The following OR2T8 variants were observed in gnomAD, a reference collection of about 807,000 sequenced individuals.
The protein encoded by OR2T8 is olfactory receptor family 2 subfamily T member 8, also known as olfactory receptor 2T8.
For missense variants in OR2T8, 161 were observed against 389.4 expected, an observed-to-expected ratio of 0.41 and a Z score of 4.94; for synonymous variants, 56 against 154.3, an observed-to-expected ratio of 0.36 and a Z score of 4.72.
At position 247,921,244 on chromosome 1, in the gene OR2T8, T is replaced by C. The variant is rs1660007665; in HGVS notation, c.227T>C (p.Val76Ala). 1 of 1,596,984 alleles carries C rather than the reference T, an allele frequency of 6.3e-7. No individual in the cohort carries two copies. The highest frequency in any genetic ancestry group is 8.5e-7 in the Non-Finnish European group (1 of 1,174,740). ...LMDVMLVSTT[V>A]PKMAADYLTG... ...GACGTGATGCTGGTTTCCACCACTGTGCCCAAAATGGCGGCTGACTACTTG... is the reference window on the plus strand; with the variant it reads ...GACGTGATGCTGGTTTCCACCACTGCGCCCAAAATGGCGGCTGACTACTTG... The change falls in exon 2 of 2, where the codon GTG becomes GCG. Residue 76 changes from valine to alanine, a missense_variant. By Grantham distance (64) the Val-to-Ala change is moderately conservative. Coordinates refer to ENST00000641945, the MANE Select transcript of OR2T8 (RefSeq NM_001005522.2).
Position 247,922,447 on chromosome 1 carries a change from A to G in OR2T8, c.*491A>G, listed in dbSNP as rs1660036511. Among the ~76,000 whole-genome samples, 1 of 152,174 alleles carries G rather than the reference A, an allele frequency of 6.6e-6. No individual in the cohort carries two copies. The highest frequency in any genetic ancestry group is 1.5e-5 in the Non-Finnish European group (1 of 68,028). On this transcript the variant is annotated 3_prime_UTR_variant, in exon 2 of 2. Coordinates refer to ENST00000641945, the MANE Select transcript of OR2T8 (RefSeq NM_001005522.2). Reference sequence around the variant, plus strand: ...CTTTTCCAGTGATACCCCAGGCCTAAGATACATCCACTGCTCTAATTTTTA... The same window carrying G: ...CTTTTCCAGTGATACCCCAGGCCTAGGATACATCCACTGCTCTAATTTTTA...
At chr1:247,920,892 T>C in intron 1 of OR2T8, 106 bp from the exon 2 acceptor site, 2 of 780,024 alleles carry the variant, frequency 2.6e-6, no homozygotes, top group South Asian at 2.2e-5. Flanking sequence ...AGATTTGACA[T>C]AGGTTTCATC....
rs1186178839 is a variant in OR2T8 at position 247,922,296 on chromosome 1, T to C, written c.*340T>C. ...ATTTGTTTCAAATTGAGGTGTAGCT[T>C]ACACACAGTAGAATGCTCGCATTTA... On this transcript the variant is annotated 3_prime_UTR_variant, in exon 2 of 2. Transcript: ENST00000641945. 6.6e-6 allele frequency among the ~76,000 whole-genome samples: 1 copy of C among 152,224 alleles called. No homozygotes were observed. Among genetic ancestry groups the C allele is most frequent in the Non-Finnish European group, 1.5e-5 (1 of 68,042 alleles).
Position 247,921,315 on chromosome 1 carries a change from T to G in OR2T8, c.298T>G (p.Phe100Val). The part of the protein sequence containing the change: ...ISRAGCGAQI[F>V]FLPTLGGGEC... The stretch of plus-strand genomic sequence containing the variant: ...CCGCGCTGGCTGTGGTGCGCAGATC[T>G]TCTTCCTCCCCACACTGGGTGGTGG... Residue 100 changes from phenylalanine (F) to valine (V), a missense_variant, in exon 2 of 2, where the codon TTC becomes GTC. Physicochemically the swap from Phe to Val is conservative, Grantham distance 50. Transcript: ENST00000641945. 1 of 827,570 alleles carries G rather than the reference T, an allele frequency of 1.2e-6. No homozygotes were observed. The highest frequency in any genetic ancestry group is 2.7e-5 in the Admixed American group (1 of 36,682). 51.3% of individuals were successfully genotyped at this position (827,570 alleles called of 1,614,324 possible).
Position 247,922,740 on chromosome 1 carries a change from A to G in OR2T8, c.*784A>G, listed in dbSNP as rs973239922. Among the ~76,000 whole-genome samples the G allele has an allele frequency of 2.0e-5, 3 of 152,120 alleles. No homozygotes were observed. Among genetic ancestry groups the G allele is most frequent in the Non-Finnish European group, 4.4e-5 (3 of 68,024 alleles). ...TGACTGAAATGTATGTTAATCTCCT[A>G]TTTGTAATCATATGTTTTTATTTTT... On this transcript the variant is annotated 3_prime_UTR_variant, in exon 2 of 2. Coordinates refer to ENST00000641945, the MANE Select transcript of OR2T8 (RefSeq NM_001005522.2).
At position 247,921,422 on chromosome 1, in the gene OR2T8, C is replaced by G. The variant is rs558211180; in HGVS notation, c.405C>G (p.Ser135Arg). 3.4e-4 allele frequency: 212 copies of G among 623,088 alleles called. 4 individuals are homozygous for G. The African/African-American group carries it at 7.1e-3, about 21-fold the overall frequency. 38.6% of individuals were successfully genotyped at this position (623,088 alleles called of 1,614,324 possible). The stretch of plus-strand genomic sequence containing the variant: ...CACTCCGATATCCCACTCTCATGAG[C>G]TGGCAGCTGTGCCTGAGGATGAACC... ...CHPLRYPTLM[S>R]WQLCLRMNLS... The change falls in exon 2 of 2, where the codon AGC becomes AGG. Residue 135 changes from serine (S) to arginine (R), a missense_variant. Physicochemically the swap from Ser to Arg is moderately radical, Grantham distance 110. Coordinates refer to ENST00000641945, the MANE Select transcript of OR2T8 (RefSeq NM_001005522.2).
Position 247,921,751 on chromosome 1 carries a change from TG to T in OR2T8, c.736del (p.Val246TrpfsTer13). 6.3e-7 allele frequency: 1 copy of T among 1,597,162 alleles called. No homozygotes were observed. The highest frequency in any genetic ancestry group is 8.5e-7 in the Non-Finnish European group (1 of 1,170,874). ...AFATCSSHVA[V>X]VGLFYGAAIF... is the part of the protein sequence containing the mutation. The stretch of plus-strand genomic sequence containing the variant: ...GCCACCTGCTCTTCACATGTGGCTG[TG>T]GTGGGACTCTTTTATGGAGCTGCCA... On this transcript the variant is annotated frameshift_variant, in exon 2 of 2. Transcript: ENST00000641945. LOFTEE classifies it low-confidence loss of function (END_TRUNC).
chr1:247,920,874 C>T (rs1187914264), intron 1 of OR2T8, 124 bp from the exon 2 acceptor site: 2 of 679,852 alleles, frequency 2.9e-6, no homozygotes, highest in Non-Finnish European at 4.9e-6. Flanking sequence ...TTGCAAGTGG[C>T]AAATGAAAGA....
chr1:247,920,517 T>C lies in OR2T8; in HGVS notation c.-22T>C, dbSNP rs186326095. On this transcript the variant is annotated splice_region_variant and 5_prime_UTR_variant, in exon 1 of 2. Transcript: ENST00000641945. The stretch of plus-strand genomic sequence containing the variant: ...TAAGTCAGGGAAAACTGCCTGATTT[T>C]GGTAGGTTTCAATGAGTTTTGATAT... The C allele has an allele frequency of 6.5e-6, 1 of 153,296 alleles. No homozygotes were observed. The highest frequency in any genetic ancestry group is 2.4e-5 in the African/African-American group (1 of 41,466). 9.5% of individuals were successfully genotyped at this position (153,296 alleles called of 1,614,324 possible).
In OR2T8 at chr1:247,920,987, T is replaced by C; in HGVS notation, c.-20-11T>C. On this transcript the variant is annotated splice_polypyrimidine_tract_variant and intron_variant, in intron 1 of 1. Transcript: ENST00000641945. Reference sequence around the variant, plus strand: ...GGATAAACACTCTGTCTTCTTTTTCTCCATTTGCAGTGTCACTCTTATTTG... The same window carrying C: ...GGATAAACACTCTGTCTTCTTTTTCCCCATTTGCAGTGTCACTCTTATTTG... 1 of 1,537,370 alleles carries C rather than the reference T, an allele frequency of 6.5e-7. No homozygotes were observed. Among genetic ancestry groups the C allele is most frequent in the Non-Finnish European group, 8.9e-7 (1 of 1,129,588 alleles).
In OR2T8 at chr1:247,921,685, T is replaced by G; in HGVS notation, c.668T>G (p.Val223Gly). 6.7e-7 allele frequency: 1 copy of G among 1,502,826 alleles called. No homozygotes were observed. The allele number at this position is 1,502,826 out of a possible 1,614,324, so 93.1% of individuals were successfully genotyped here. Residue 223 changes from valine to glycine, a missense_variant, in exon 2 of 2, where the codon GTT (valine) becomes GGT (glycine). Physicochemically the swap from Val to Gly is moderately radical, Grantham distance 109. Coordinates refer to ENST00000641945, the MANE Select transcript of OR2T8 (RefSeq NM_001005522.2). ...LSSYGLILAA[V>G]LHMRSTEARK... is the part of the protein sequence containing the mutation. ...TCCTATGGTCTCATCCTCGCTGCTG[T>G]TCTGCACATGCGCTCTACAGAAGCC... is the stretch of plus-strand genomic sequence containing the variant.
At position 247,921,734 on chromosome 1, in the gene OR2T8, C is replaced by G. The variant is rs755586019; in HGVS notation, c.717C>G (p.Cys239Trp). The G allele has an allele frequency of 1.2e-5, 19 of 1,591,186 alleles. No homozygotes were observed. The highest frequency in any genetic ancestry group is 2.3e-4 in the Middle Eastern group (1 of 4,436). ...CCCGCAAGAAGGCCTTTGCCACCTG[C>G]TCTTCACATGTGGCTGTGGTGGGAC... The part of the protein sequence containing the change: ...TEARKKAFAT[C>W]SSHVAVVGLF... The change falls in exon 2 of 2, where the codon TGC becomes TGG. Residue 239 changes from cysteine to tryptophan, a missense_variant. Transcript: ENST00000641945.
At chr1:247,920,850 C>CA (rs1348326949) in intron 1 of OR2T8, 148 bp from the exon 2 acceptor site, 2 of 597,028 alleles carry the variant, frequency 3.3e-6, no homozygotes, top group Admixed American at 6.8e-5. Context: ...ATTTTATGCA[C>CA]AAATTAGAAC....
chr1:247,921,981 A>G lies in OR2T8; in HGVS notation c.*25A>G. On this transcript the variant is annotated 3_prime_UTR_variant, in exon 2 of 2. Coordinates refer to ENST00000641945, the MANE Select transcript of OR2T8 (RefSeq NM_001005522.2). ...AGACTATATATTTGCCCCAACATTC[A>G]AAACTGTGCAAAGTGTTTGTGTGGA... The G allele has an allele frequency of 6.2e-7, 1 of 1,604,280 alleles. No homozygotes were observed. Among genetic ancestry groups the G allele is most frequent in the African/African-American group, 1.3e-5 (1 of 74,594 alleles).
rs1007699694 is a variant in OR2T8 at position 247,922,127 on chromosome 1, G to T, written c.*171G>T. ...TTCATTCCTCGGGTTCATTTACTCA[G>T]CTATCATTACCCAATCAAATCATGG... On this transcript the variant is annotated 3_prime_UTR_variant, in exon 2 of 2. Coordinates refer to ENST00000641945, the MANE Select transcript of OR2T8 (RefSeq NM_001005522.2). Among the ~76,000 whole-genome samples the T allele has an allele frequency of 2.0e-5, 3 of 152,068 alleles. No homozygotes were observed. Among genetic ancestry groups the T allele is most frequent in the Non-Finnish European group, 4.4e-5 (3 of 68,018 alleles).
Position 247,922,460 on chromosome 1 carries a change from G to A in OR2T8, c.*504G>A, listed in dbSNP as rs1558368729. Among the ~76,000 whole-genome samples, 1 of 152,130 alleles carries A rather than the reference G, an allele frequency of 6.6e-6. No homozygotes were observed. ...ACCCCAGGCCTAAGATACATCCACTGCTCTAATTTTTATCTCTGTTCGTTA... is the reference window on the plus strand; with the variant it reads ...ACCCCAGGCCTAAGATACATCCACTACTCTAATTTTTATCTCTGTTCGTTA... On this transcript the variant is annotated 3_prime_UTR_variant, in exon 2 of 2. Transcript: ENST00000641945.
chr1:247,920,832 T>C (rs1463503125), intron 1 of OR2T8, among the ~76,000 whole-genome samples, 166 bp from the exon 2 acceptor site: 3 of 152,160 alleles, frequency 2.0e-5, no homozygotes, highest in Non-Finnish European at 4.4e-5. Context: ...TGAGAAAAAG[T>C]TTAATTAATT....
At position 247,922,861 on chromosome 1, in the gene OR2T8, T is replaced by G. The variant is rs1383525303; in HGVS notation, c.*905T>G. On this transcript the variant is annotated 3_prime_UTR_variant, in exon 2 of 2. Coordinates refer to ENST00000641945, the MANE Select transcript of OR2T8 (RefSeq NM_001005522.2). ...GACAATGCACACAAGTTCCTGTTGC[T>G]CCAAATGTCGATGTTTTCTTCATTT... is the stretch of plus-strand genomic sequence containing the variant. Among the ~76,000 whole-genome samples the G allele has an allele frequency of 6.6e-6, 1 of 152,226 alleles. No individual in the cohort carries two copies. The highest frequency in any genetic ancestry group is 2.4e-5 in the African/African-American group (1 of 41,458).
Position 247,920,376 on chromosome 1 carries a change from A to G in OR2T8, c.-163A>G, listed in dbSNP as rs1204932281. 2.0e-5 allele frequency: 3 copies of G among 152,704 alleles called. No individual in the cohort carries two copies. The highest frequency in any genetic ancestry group is 7.2e-5 in the African/African-American group (3 of 41,458). The allele number at this position is 152,704 out of a possible 1,614,324, so 9.5% of individuals were successfully genotyped here. A position where few individuals can be genotyped will look rare whatever the true frequency, so the allele number is the denominator to read the frequency against. The stretch of plus-strand genomic sequence containing the variant: ...GTTTTCAGTCTATCACCTATAAAGG[A>G]GGACTAAATGTGTTCACAACTCCAA... On this transcript the variant is annotated 5_prime_UTR_variant, in exon 1 of 2. Transcript: ENST00000641945.
Sources: allele counts gnomAD v4.1 joint callset (sites outside exome capture counted in the v4.1 genomes callset), GRCh38; gene constraint gnomAD v4.1.1; transcripts MANE v1.5; gene names NCBI Gene and HGNC (gene_info 2026-07-23, HGNC 2026-07-21).